ZNF423: variants seen among roughly 807,000 people sequenced by gnomAD.
The protein encoded by ZNF423 is zinc finger protein 423.
In ZNF423, 12 loss-of-function variants were observed where a neutral mutation model predicts 95.8. That is an observed-to-expected ratio of 0.13 (90% CI 0.08 to 0.20). The LOEUF (loss-of-function observed/expected upper bound fraction) is 0.20. ZNF423 is among the 10% of genes least tolerant of loss of function. ZNF423 has a pLI of 1.00. For synonymous variants in ZNF423, 749 were observed against 711.9 expected (o/e 1.05, Z -0.83); for missense variants, 1,316 against 1,737.1 (o/e 0.76, Z 4.31).
intron 1 of ZNF423, chr16:49,854,926 G>A: frequency 2.0e-6 from 2 of 984,974 alleles, no homozygotes; most frequent in Non-Finnish European, 2.4e-6. Flanking sequence ...GCCGGTGCCC[G>A]GGGTCAGATC....
intron 3 of ZNF423, chr16:49,664,324 C>T (rs965706685): frequency 2.0e-6 from 2 of 981,870 alleles, no homozygotes; most frequent in Non-Finnish European, 1.2e-6. Context: ...TGGCGGAGGA[C>T]CCAGCTAGCG....
chr16:49,596,017 G>GA (rs1022892846), intron 5 of ZNF423, among the ~76,000 whole-genome samples: 13 of 150,082 alleles, frequency 8.7e-5, no homozygotes, highest in Admixed American at 3.3e-4. Flanking sequence ...CTTAAATGAA[G>GA]AAAAAAAAAT....
chr16:49,795,440 C>A (rs1203253633), intron 1 of ZNF423, among the ~76,000 whole-genome samples: 2 of 152,240 alleles, frequency 1.3e-5, no homozygotes, highest in Non-Finnish European at 2.9e-5. Flanking sequence ...CAGGCAGGCA[C>A]TGAACAGAAA....
At chr16:49,848,817 T>C (rs1371262521) in intron 1 of ZNF423, among the ~76,000 whole-genome samples, 1 of 152,176 alleles carries the variant, frequency 6.6e-6, no homozygotes, top group Non-Finnish European at 1.5e-5. Context: ...TGGATCCCTG[T>C]CATCTGGAGG....
intron 1 of ZNF423, among the ~76,000 whole-genome samples, chr16:49,815,870 C>CAAAA (rs1168729871): frequency 7.6e-5 from 3 of 39,528 alleles, no homozygotes; most frequent in Non-Finnish European, 1.3e-4. Context: ...TCCAAACAAA[C>CAAAA]AAAAAAAAAA....
intron 1 of ZNF423, among the ~76,000 whole-genome samples, chr16:49,832,927 A>G (rs2035076458): frequency 1.3e-5 from 2 of 151,232 alleles, no homozygotes; most frequent in South Asian, 2.1e-4. Flanking sequence ...GACATCTCCA[A>G]TCTCTCAATG....
At chr16:49,536,123 C>T (rs533694955) in intron 5 of ZNF423, among the ~76,000 whole-genome samples, 1 of 152,310 alleles carries the variant, frequency 6.6e-6, no homozygotes, top group South Asian at 2.1e-4. Flanking sequence ...AAACACAACA[C>T]ACACCTGCAG....
chr16:49,818,459 C>A (rs1415387906), intron 1 of ZNF423, among the ~76,000 whole-genome samples: 1 of 152,214 alleles, frequency 6.6e-6, no homozygotes, highest in Admixed American at 6.5e-5. Context: ...CATATAGTCC[C>A]AGCTACTCGG....
At chr16:49,803,283 C>A (rs2034609258) in intron 1 of ZNF423, among the ~76,000 whole-genome samples, 1 of 151,788 alleles carries the variant, frequency 6.6e-6, no homozygotes, top group African/African-American at 2.4e-5. Flanking sequence ...TAAAAATAAA[C>A]GGAGACCAAC....
intron 3 of ZNF423, among the ~76,000 whole-genome samples, chr16:49,698,778 T>C (rs1458687880): frequency 6.6e-6 from 1 of 152,218 alleles, no homozygotes; most frequent in East Asian, 1.9e-4. Flanking sequence ...CGGGCCGCGC[T>C]GCCGAGCCCG....
Position 49,686,125 on chromosome 16 carries a change from C to T in ZNF423, c.301+44646G>A, listed in dbSNP as rs192813212. 3.6e-3 allele frequency among the ~76,000 whole-genome samples: 554 copies of T among 152,340 alleles called. 4 individuals carry two copies. The highest frequency in any genetic ancestry group is 6.8e-3 in the Non-Finnish European group (463 of 68,038). On this transcript the variant is annotated intron_variant, in intron 3 of 7. Transcript: ENST00000563137. ...TTTATGGGGTGGTTTGTCTAGCTGT[C>T]CTTCTCCCCCACAGACTGGAAGCTC...
intron 3 of ZNF423, among the ~76,000 whole-genome samples, chr16:49,692,164 A>G (rs983811961): frequency 6.6e-6 from 1 of 152,044 alleles, no homozygotes; most frequent in East Asian, 1.9e-4. Context: ...TGTGTTGCTC[A>G]GGCTCTTCTC....
At chr16:49,677,453 AAGAAG>A (rs1213092230) in intron 3 of ZNF423, among the ~76,000 whole-genome samples, 5 of 149,638 alleles carry the variant, frequency 3.3e-5, no homozygotes, top group Admixed American at 1.3e-4. Context: ...AGAAAAGAGA[AAGAAG>A]AGAAGAGAAA....
chr16:49,497,361 C>A (rs997511456), intron 7 of ZNF423, among the ~76,000 whole-genome samples: 2 of 152,234 alleles, frequency 1.3e-5, no homozygotes, highest in African/African-American at 4.8e-5. Flanking sequence ...GAGGAGCTCA[C>A]AATTTCATGG....
chr16:49,732,998 C>G lies in ZNF423; in HGVS notation c.101-2027G>C, dbSNP rs17282218. Reference sequence around the variant, plus strand: ...TTTTTAGGTTCTTTTATTATCAGAACGCGCCAACTCCTGGCAATACAGAAA... The same window carrying G: ...TTTTTAGGTTCTTTTATTATCAGAAGGCGCCAACTCCTGGCAATACAGAAA... On this transcript the variant is annotated intron_variant, in intron 2 of 7. Coordinates refer to ENST00000563137, the MANE Select transcript of ZNF423 (RefSeq NM_001379286.1). 4.7e-3 allele frequency among the ~76,000 whole-genome samples: 717 copies of G among 152,204 alleles called. 4 individuals are homozygous for G. Among genetic ancestry groups the G allele is most frequent in the African/African-American group, 0.016 (682 of 41,516 alleles).
chr16:49,720,674 G>A (rs12444753), intron 3 of ZNF423, among the ~76,000 whole-genome samples: 8,643 of 152,286 alleles, frequency 0.057, 607 homozygotes, highest in South Asian at 0.27. Flanking sequence ...AAAAGCAAAA[G>A]TATTGGTTAT....
chr16:49,664,430 A>G (rs1347552530), intron 3 of ZNF423, among the ~76,000 whole-genome samples: 1 of 152,204 alleles, frequency 6.6e-6, no homozygotes, highest in East Asian at 1.9e-4. Context: ...CCACGCGGCC[A>G]GATGTTGACC....
intron 2 of ZNF423, chr16:49,764,774 T>A (rs148989833): frequency 4.6e-5 from 7 of 151,246 alleles, no homozygotes; most frequent in African/African-American, 1.7e-4. Flanking sequence ...TGAGATAGAG[T>A]CTTACTCTGT....
intron 5 of ZNF423, among the ~76,000 whole-genome samples, chr16:49,528,994 T>A (rs1284600862): frequency 6.6e-6 from 1 of 151,806 alleles, no homozygotes; most frequent in Non-Finnish European, 1.5e-5. Context: ...TTATATAAGA[T>A]CGCACAGTGC....
Sources: allele counts gnomAD v4.1 joint callset (sites outside exome capture counted in the v4.1 genomes callset), GRCh38; gene constraint gnomAD v4.1.1; transcripts MANE v1.5; gene names NCBI Gene and HGNC (gene_info 2026-07-23, HGNC 2026-07-21).